The following SH3KBP1 variants were observed in gnomAD, a reference collection of about 807,000 sequenced individuals.
The protein encoded by SH3KBP1 is SH3 domain containing kinase binding protein 1, also known as SH3 domain-containing kinase-binding protein 1.
Under a neutral mutation model 50.1 loss-of-function variants are expected in SH3KBP1, and 8 were observed. That is an observed-to-expected ratio of 0.16 (90% CI 0.09 to 0.29). The LOEUF (loss-of-function observed/expected upper bound fraction) is 0.29. Among genes scored for constraint, SH3KBP1 ranks in the 10% least tolerant of loss-of-function variants. The pLI is 1.00. For synonymous variants in SH3KBP1, 227 were observed against 218.6 expected (o/e 1.04, Z -0.34); for missense variants, 377 against 535.2 (o/e 0.70, Z 2.92).
At chrX:19,583,927 C>T (rs1168105834) in intron 12 of SH3KBP1, among the ~76,000 whole-genome samples, 1 of 93,759 alleles carries the variant, frequency 1.1e-5, no homozygotes, top group African/African-American at 3.9e-5. Flanking sequence ...AAATATATAT[C>T]ATTTATATTT....
At chrX:19,854,561 G>A (rs2147492111) in intron 1 of SH3KBP1, among the ~76,000 whole-genome samples, 1 of 112,246 alleles carries the variant, frequency 8.9e-6, no homozygotes, top group African/African-American at 3.2e-5. Context: ...TATTGATTGT[G>A]TAAATGAGTG....
rs977832493 is a variant in SH3KBP1 at position 19,642,545 on chromosome X, C to A, written c.802+2855G>T. 2.7e-5 allele frequency among the ~76,000 whole-genome samples: 3 copies of A among 112,015 alleles called. No individual in the cohort carries two copies. In the Admixed American group the frequency reaches 2.8e-4, roughly 11 times the overall value. ...GATTTTTCCCCCCAACCCACCTGTT[C>A]AGCTGGTCTTCTGAATCTGTAAGAC... On this transcript the variant is annotated intron_variant, in intron 7 of 17. Transcript: ENST00000397821.
At chrX:19,670,477 G>T in intron 6 of SH3KBP1, 1 of 432,849 alleles carries the variant, frequency 2.3e-6, no homozygotes, top group Non-Finnish European at 2.9e-6. Flanking sequence ...AAACATCTCT[G>T]TGACATGGTG....
chrX:19,666,936 G>T (rs1319065171), intron 6 of SH3KBP1, among the ~76,000 whole-genome samples: 1 of 112,146 alleles, frequency 8.9e-6, no homozygotes, highest in Non-Finnish European at 1.9e-5. Context: ...CCAAAAGATA[G>T]AAAAAACCCA....
chrX:19,724,962 ACT>A (rs2064177556), intron 3 of SH3KBP1, among the ~76,000 whole-genome samples: 1 of 111,440 alleles, frequency 9.0e-6, no homozygotes, highest in Non-Finnish European at 1.9e-5. Context: ...CAAATCCTAG[ACT>A]CTGTGAACAG....
At position 19,887,466 on chromosome X, in the gene SH3KBP1, G is replaced by T; in HGVS notation, c.-156C>A. The T allele has an allele frequency of 2.7e-6, 1 of 365,345 alleles. No homozygotes were observed. The highest frequency in any genetic ancestry group is 4.2e-6 in the Non-Finnish European group (1 of 238,222). 30.1% of individuals were successfully genotyped at this position (365,345 alleles called of 1,213,427 possible). A position where few individuals can be genotyped will look rare whatever the true frequency, so the allele number is the denominator to read the frequency against. The stretch of plus-strand genomic sequence containing the variant: ...CTTCTTCCTCAGTGGCGGCGGCGGC[G>T]GCTCAGCGCCGCCCGCTGCTGCCTC... On this transcript the variant is annotated 5_prime_UTR_variant, in exon 1 of 18. Coordinates refer to ENST00000397821, the MANE Select transcript of SH3KBP1 (RefSeq NM_031892.3).
chrX:19,758,123 C>T (rs1394787488), intron 2 of SH3KBP1, among the ~76,000 whole-genome samples: 3 of 109,500 alleles, frequency 2.7e-5, no homozygotes, highest in African/African-American at 6.6e-5. Context: ...GGCAGGAGTT[C>T]GAGACCAGCC....
chrX:19,712,133 C>T (rs2063791011), intron 3 of SH3KBP1, among the ~76,000 whole-genome samples: 1 of 112,396 alleles, frequency 8.9e-6, no homozygotes, highest in Non-Finnish European at 1.9e-5. Flanking sequence ...CACAAAACTA[C>T]TGATGCCTTC....
chrX:19,564,253 A>G (rs1226453686), intron 13 of SH3KBP1, among the ~76,000 whole-genome samples: 1 of 112,122 alleles, frequency 8.9e-6, no homozygotes, highest in Non-Finnish European at 1.9e-5. Flanking sequence ...TAAGAATGTA[A>G]TCACTTGTTT....
chrX:19,690,038 T>C (rs1284625185), intron 5 of SH3KBP1, among the ~76,000 whole-genome samples: 1 of 95,434 alleles, frequency 1.0e-5, no homozygotes, highest in Non-Finnish European at 2.0e-5. Context: ...AAAACCATCT[T>C]TCTCTCTCTC....
intron 7 of SH3KBP1, among the ~76,000 whole-genome samples, chrX:19,640,139 C>A (rs749243115): frequency 4.1e-4 from 45 of 110,988 alleles, no homozygotes; most frequent in Non-Finnish European, 6.4e-4. Flanking sequence ...CACTCCCTGA[C>A]AAAGTATGTG....
chrX:19,553,377 T>C (rs947071941), intron 13 of SH3KBP1, among the ~76,000 whole-genome samples: 10 of 111,403 alleles, frequency 9.0e-5, no homozygotes, highest in African/African-American at 3.3e-4. Flanking sequence ...CAGTCTGTAA[T>C]GAGTTATACT....
chrX:19,577,734 C>T (rs1178193215), intron 12 of SH3KBP1, among the ~76,000 whole-genome samples: 2 of 107,261 alleles, frequency 1.9e-5, no homozygotes, highest in Admixed American at 2.0e-4. Context: ...CTAACAGCAG[C>T]CACAAAAAAA....
At chrX:19,762,915 A>AT (rs1324007670) in intron 2 of SH3KBP1, among the ~76,000 whole-genome samples, 1 of 112,272 alleles carries the variant, frequency 8.9e-6, no homozygotes, top group Non-Finnish European at 1.9e-5. Context: ...GCGAGTGGAG[A>AT]TTGGTATCTG....
chrX:19,610,530 A>T (rs1367148067), intron 8 of SH3KBP1, among the ~76,000 whole-genome samples: 1 of 112,161 alleles, frequency 8.9e-6, no homozygotes, highest in Non-Finnish European at 1.9e-5. Context: ...TACAGTGTTA[A>T]TTTGCAATTA....
intron 13 of SH3KBP1, among the ~76,000 whole-genome samples, chrX:19,565,569 A>G (rs937570318): frequency 9.0e-6 from 1 of 111,354 alleles, no homozygotes; most frequent in African/African-American, 3.3e-5. Context: ...CACTGCTCTT[A>G]TTTCAACACT....
chrX:19,668,974 A>ATATATATATATATTTT (rs1491195501), intron 6 of SH3KBP1, among the ~76,000 whole-genome samples: 1 of 63,872 alleles, frequency 1.6e-5, no homozygotes, highest in Non-Finnish European at 3.0e-5. Flanking sequence ...ATATATATAT[A>ATATATATATATATTTT]TTTTTTGAGA....
intron 16 of SH3KBP1, 129 bp downstream of exon 16, chrX:19,541,796 G>T: frequency 1.4e-6 from 1 of 730,802 alleles, no homozygotes; most frequent in Non-Finnish European, 2.0e-6. Context: ...TCCCACCATT[G>T]CTGCCACCAT....
intron 1 of SH3KBP1, among the ~76,000 whole-genome samples, chrX:19,870,625 C>T (rs1181943029): frequency 8.9e-6 from 1 of 111,948 alleles, no homozygotes; most frequent in African/African-American, 3.3e-5. Flanking sequence ...GGATTAGAAG[C>T]GTGAGCCACC....
Sources: allele counts gnomAD v4.1 joint callset (sites outside exome capture counted in the v4.1 genomes callset), GRCh38; gene constraint gnomAD v4.1.1; transcripts MANE v1.5; gene names NCBI Gene and HGNC (gene_info 2026-07-23, HGNC 2026-07-21).